TAS2R1: variants seen among roughly 807,000 people sequenced by gnomAD.
The protein encoded by TAS2R1 is taste receptor type 2 member 1.
For synonymous variants in TAS2R1, 141 were observed against 134.2 expected, an observed-to-expected ratio of 1.05 and a Z score of -0.35; for missense variants, 370 against 353.4, an observed-to-expected ratio of 1.05 and a Z score of -0.38.
intron 1 of TAS2R1, among the ~76,000 whole-genome samples, chr5:9,687,013 G>A (rs1561378883): frequency 1.3e-5 from 2 of 152,042 alleles, no homozygotes; most frequent in East Asian, 3.9e-4. Context: ...TGCCCAGGCT[G>A]GAGTGCAATG....
chr5:9,857,115 G>A, the TAS2R1 span, among the ~76,000 whole-genome samples: 1 of 152,198 alleles, frequency 6.6e-6, no homozygotes, highest in Non-Finnish European at 1.5e-5. Flanking sequence ...GAAGCATAGA[G>A]TAGAATTGTG....
intron 1 of TAS2R1, among the ~76,000 whole-genome samples, chr5:9,676,260 T>A (rs1478926033): frequency 6.6e-6 from 1 of 152,122 alleles, no homozygotes; most frequent in East Asian, 1.9e-4. Context: ...TGGTATTTTG[T>A]TGAGGAAAAG....
At chr5:9,820,616 A>C in the TAS2R1 span, among the ~76,000 whole-genome samples, 1 of 152,120 alleles carries the variant, frequency 6.6e-6, no homozygotes, top group African/African-American at 2.4e-5. Flanking sequence ...CAGCACTGAA[A>C]ACCCGGCCTG....
the TAS2R1 span, among the ~76,000 whole-genome samples, chr5:9,882,190 G>A: frequency 6.6e-6 from 1 of 152,062 alleles, no homozygotes; most frequent in African/African-American, 2.4e-5. Flanking sequence ...AGTGGCCAAA[G>A]GACATGAACA....
the TAS2R1 span, among the ~76,000 whole-genome samples, chr5:9,841,664 T>C: frequency 6.6e-6 from 1 of 152,234 alleles, no homozygotes; most frequent in Non-Finnish European, 1.5e-5. Flanking sequence ...TAGCATCCCT[T>C]TCTGTTCTTG....
chr5:9,758,580 A>G, the TAS2R1 span, among the ~76,000 whole-genome samples: 2 of 152,236 alleles, frequency 1.3e-5, no homozygotes, highest in East Asian at 3.8e-4. Flanking sequence ...AGATCAACAA[A>G]TTGAAGATAA....
At chr5:9,754,355 G>T in the TAS2R1 span, among the ~76,000 whole-genome samples, 2 of 152,098 alleles carry the variant, frequency 1.3e-5, no homozygotes, top group African/African-American at 4.8e-5. Flanking sequence ...CACAAGACAG[G>T]GATGCCCTCT....
the TAS2R1 span, chr5:9,902,522 A>G: frequency 5.3e-5 from 8 of 152,122 alleles, no homozygotes; most frequent in Non-Finnish European, 4.4e-5. Context: ...CCACCTTAAC[A>G]ACAAGTCAAA....
At chr5:9,882,226 T>A in the TAS2R1 span, among the ~76,000 whole-genome samples, 2 of 152,114 alleles carry the variant, frequency 1.3e-5, no homozygotes, top group Admixed American at 1.3e-4. Flanking sequence ...AAGACATTTA[T>A]GTGGCCATCA....
At chr5:9,833,157 A>T in the TAS2R1 span, among the ~76,000 whole-genome samples, 1 of 152,228 alleles carries the variant, frequency 6.6e-6, no homozygotes, top group African/African-American at 2.4e-5. Flanking sequence ...CAGAGAAAGC[A>T]GCCAGGTATG....
At chr5:9,765,936 G>A in the TAS2R1 span, among the ~76,000 whole-genome samples, 1 of 152,154 alleles carries the variant, frequency 6.6e-6, no homozygotes, top group Non-Finnish European at 1.5e-5. Flanking sequence ...ATGAGAAATA[G>A]GTTTTCATTT....
the TAS2R1 span, among the ~76,000 whole-genome samples, chr5:9,766,588 G>A: frequency 3.9e-5 from 6 of 152,202 alleles, no homozygotes; most frequent in South Asian, 2.1e-4. Flanking sequence ...CAATGATCAC[G>A]GATCAGTATC....
At chr5:9,883,281 T>C in the TAS2R1 span, 63,143 of 152,090 alleles carry the variant, frequency 0.42, 15,351 homozygotes, top group Non-Finnish European at 0.52. Flanking sequence ...CTGGGCTTAA[T>C]ACCTAGGTGA....
the TAS2R1 span, among the ~76,000 whole-genome samples, chr5:9,785,832 C>G: frequency 6.6e-6 from 1 of 152,170 alleles, no homozygotes; most frequent in South Asian, 2.1e-4. Context: ...ACCCATCACT[C>G]TCTGCCATAT....
At chr5:9,903,232 G>A in the TAS2R1 span, among the ~76,000 whole-genome samples, 1 of 151,954 alleles carries the variant, frequency 6.6e-6, no homozygotes, top group African/African-American at 2.4e-5. Flanking sequence ...ATAAGTAAGT[G>A]AAAAAACCTA....
chr5:9,778,899 T>A, the TAS2R1 span, among the ~76,000 whole-genome samples: 1 of 152,232 alleles, frequency 6.6e-6, no homozygotes, highest in Non-Finnish European at 1.5e-5. Flanking sequence ...GAGTGGCACT[T>A]TTAATGTCCT....
At chr5:9,722,558 T>C in the TAS2R1 span, among the ~76,000 whole-genome samples, 1 of 152,194 alleles carries the variant, frequency 6.6e-6, no homozygotes, top group Non-Finnish European at 1.5e-5. Flanking sequence ...TCTTAGAAAG[T>C]GAAATGCTAA....
chr5:9,804,587 A>C, the TAS2R1 span, among the ~76,000 whole-genome samples: 17 of 152,304 alleles, frequency 1.1e-4, no homozygotes, highest in Non-Finnish European at 1.9e-4. Flanking sequence ...AAACTCCGAA[A>C]GAAACCCTCG....
At chr5:9,718,404 T>G in the TAS2R1 span, among the ~76,000 whole-genome samples, 117 of 152,124 alleles carry the variant, frequency 7.7e-4, no homozygotes, top group African/African-American at 2.8e-3. Flanking sequence ...TACAGAAAAA[T>G]GGGCAAACAC....
Sources: allele counts gnomAD v4.1 joint callset (sites outside exome capture counted in the v4.1 genomes callset), GRCh38; gene constraint gnomAD v4.1.1; transcripts MANE v1.5; gene names NCBI Gene and HGNC (gene_info 2026-07-23, HGNC 2026-07-21).